PLD1: variants seen among roughly 807,000 people sequenced by gnomAD.
The protein encoded by PLD1 is phospholipase D1.
In PLD1, 112 loss-of-function variants were observed where a neutral mutation model predicts 137.1. The observed-to-expected ratio is 0.82, with a 90% confidence interval of 0.70 to 0.96. The LOEUF (loss-of-function observed/expected upper bound fraction) is 0.96. PLD1 is among the 40% of genes least tolerant of loss of function. The pLI, the probability that PLD1 is intolerant of heterozygous loss-of-function variation, is 0.00. For missense variants in PLD1, 1,321 were observed against 1,342.0 expected (o/e 0.98, Z 0.24); for synonymous variants, 431 against 454.7 (o/e 0.95, Z 0.66).
intron 11 of PLD1, among the ~76,000 whole-genome samples, chr3:171,704,057 G>C (rs1289319722): frequency 6.6e-6 from 1 of 152,144 alleles, no homozygotes; most frequent in Non-Finnish European, 1.5e-5. Context: ...TAAAAATTGG[G>C]GAGAGGAGCT....
chr3:171,643,424 A>AT (rs1193636142), intron 22 of PLD1, among the ~76,000 whole-genome samples: 1 of 152,156 alleles, frequency 6.6e-6, no homozygotes, highest in Non-Finnish European at 1.5e-5. Flanking sequence ...TCACTGATGA[A>AT]TTATAAAATC....
intron 21 of PLD1, among the ~76,000 whole-genome samples, chr3:171,648,557 CT>C (rs201821154): frequency 2.8e-3 from 397 of 143,162 alleles, no homozygotes; most frequent in Admixed American, 3.2e-3. Context: ...AACATAGTTA[CT>C]TTTTTTTTTT....
chr3:171,796,938 C>T (rs898050406), intron 1 of PLD1, among the ~76,000 whole-genome samples: 16 of 152,190 alleles, frequency 1.1e-4, no homozygotes, highest in African/African-American at 3.6e-4. Context: ...CTGCACCATC[C>T]GTCGCAATGC....
At chr3:171,704,103 C>A (rs1716470973) in intron 11 of PLD1, among the ~76,000 whole-genome samples, 1 of 152,166 alleles carries the variant, frequency 6.6e-6, no homozygotes, top group Non-Finnish European at 1.5e-5. Context: ...TTCTGATTTC[C>A]TGGCTCATTC....
At chr3:171,610,184 A>T (rs1560141243) in intron 25 of PLD1, among the ~76,000 whole-genome samples, 1 of 152,170 alleles carries the variant, frequency 6.6e-6, no homozygotes, top group Non-Finnish European at 1.5e-5. Context: ...CTACAAACAT[A>T]CCCATTTTTT....
chr3:171,773,742 A>AGTTTGTTTGTTT lies in PLD1; in HGVS notation c.-31-35672_-31-35661dup, dbSNP rs139067977. ...AACATTACCACTCTATTATTATACC[A>AGTTTGTTTGTTT]GTTTGTTTGTTTGTTTGTTTGTTTG... On this transcript the variant is annotated intron_variant, in intron 1 of 26. Coordinates refer to ENST00000351298, the MANE Select transcript of PLD1 (RefSeq NM_002662.5). Among the ~76,000 whole-genome samples the AGTTTGTTTGTTT allele has an allele frequency of 5.8e-3, 883 of 151,596 alleles. 13 individuals are homozygous for AGTTTGTTTGTTT. Among genetic ancestry groups the AGTTTGTTTGTTT allele is most frequent in the African/African-American group, 0.02 (830 of 41,146 alleles).
intron 1 of PLD1, among the ~76,000 whole-genome samples, chr3:171,801,161 G>A (rs1475235380): frequency 6.6e-6 from 1 of 152,180 alleles, no homozygotes; most frequent in African/African-American, 2.4e-5. Flanking sequence ...TAAGCTGTGG[G>A]GCTGGAACCA....
intron 22 of PLD1, chr3:171,643,128 A>G (rs1735909142): frequency 5.4e-6 from 2 of 368,946 alleles, no homozygotes; most frequent in Non-Finnish European, 9.6e-6. Context: ...AATTCGTGTT[A>G]GATTTCAGAA....
chr3:171,623,574 G>A (rs370480705), intron 23 of PLD1, among the ~76,000 whole-genome samples: 385 of 151,264 alleles, frequency 2.5e-3, no homozygotes, highest in Non-Finnish European at 4.8e-3. Context: ...CGCCCACCTC[G>A]GCCTCCCAAA....
Position 171,687,552 on chromosome 3 carries a change from T to A in PLD1, c.1572A>T (p.Arg524Ser). Residue 524 changes from arginine to serine, a missense_variant, in exon 15 of 27, where the codon AGA becomes AGT. Arg to Ser is a moderately radical substitution (Grantham distance 110). Coordinates refer to ENST00000351298, the MANE Select transcript of PLD1 (RefSeq NM_002662.5). ...GAACAGGCTCATTTTTATCTTTGAG[T>A]CTTAAGGATTCCATAGACTCCATTG... ...PAAMESMESL[R>S]LKDKNEPVQN... 1 of 1,614,076 alleles carries A rather than the reference T, an allele frequency of 6.2e-7. No homozygotes were observed. Among genetic ancestry groups the A allele is most frequent in the Admixed American group, 1.7e-5 (1 of 60,016 alleles).
intron 22 of PLD1, among the ~76,000 whole-genome samples, chr3:171,643,409 G>A (rs1735936433): frequency 1.3e-5 from 2 of 152,080 alleles, no homozygotes; most frequent in South Asian, 2.1e-4. Flanking sequence ...TTAAGACTCT[G>A]ATAATCACTG....
chr3:171,708,733 AT>A, intron 11 of PLD1, 21 bp downstream of exon 11: 1 of 1,380,500 alleles, frequency 7.2e-7, no homozygotes, highest in Non-Finnish European at 1.0e-6. Flanking sequence ...CCAGAAAAAA[AT>A]TCCCAGGGAC....
chr3:171,679,513 G>T lies in PLD1; in HGVS notation c.1868-1819C>A, dbSNP rs771673001. On this transcript the variant is annotated intron_variant, in intron 16 of 26. Transcript: ENST00000351298. ...AAAAGAAACAAAAGGGATGAAAAAT[G>T]AGATAAACAATATTTCAAATTTCAA... Among the ~76,000 whole-genome samples the T allele has an allele frequency of 6.0e-4, 92 of 152,288 alleles. 1 individual carries two copies. Among genetic ancestry groups the T allele is most frequent in the African/African-American group, 2.1e-3 (87 of 41,586 alleles).
At chr3:171,611,312 A>AGT (rs1732638777) in intron 25 of PLD1, among the ~76,000 whole-genome samples, 1 of 152,202 alleles carries the variant, frequency 6.6e-6, no homozygotes, top group African/African-American at 2.4e-5. Context: ...CAAGGGAAAC[A>AGT]GTGAAAGGAG....
intron 22 of PLD1, 50 bp downstream of exon 22, chr3:171,644,860 A>T: frequency 9.5e-7 from 1 of 1,051,474 alleles, no homozygotes; most frequent in Non-Finnish European, 1.5e-6. Context: ...TCATCAGCTT[A>T]CATGATGCAT....
At chr3:171,620,758 AT>A (rs1185597767) in intron 23 of PLD1, among the ~76,000 whole-genome samples, 1 of 137,522 alleles carries the variant, frequency 7.3e-6, no homozygotes, top group African/African-American at 3.0e-5. Context: ...ATATATATAT[AT>A]ATATATATAT....
At position 171,805,607 on chromosome 3, in the gene PLD1, C is replaced by T. The variant is rs769972023; in HGVS notation, c.-32+4792G>A. On this transcript the variant is annotated intron_variant, in intron 1 of 26. Coordinates refer to ENST00000351298, the MANE Select transcript of PLD1 (RefSeq NM_002662.5). ...CCAGTGCTTCTACCCTTTGACATAC[C>T]CATGCTCCACCTTAATTTCGTTTTC... Among the ~76,000 whole-genome samples the T allele has an allele frequency of 3.9e-4, 59 of 152,236 alleles. 1 individual carries two copies. Among genetic ancestry groups the T allele is most frequent in the African/African-American group, 1.3e-3 (52 of 41,522 alleles).
chr3:171,676,599 G>C (rs1254666562), intron 18 of PLD1, 116 bp downstream of exon 18: 4 of 790,050 alleles, frequency 5.1e-6, no homozygotes, highest in Non-Finnish European at 8.6e-6. Flanking sequence ...CAGCAGAGCA[G>C]TGACACAGTT....
At chr3:171,659,166 A>G in intron 21 of PLD1, 47 bp downstream of exon 21, 1 of 1,234,174 alleles carries the variant, frequency 8.1e-7, no homozygotes. Flanking sequence ...TTTTAGTAAT[A>G]AATACAAGAA....
Sources: allele counts gnomAD v4.1 joint callset (sites outside exome capture counted in the v4.1 genomes callset), GRCh38; gene constraint gnomAD v4.1.1; transcripts MANE v1.5; gene names NCBI Gene and HGNC (gene_info 2026-07-23, HGNC 2026-07-21).